MARCHF1: variants seen among roughly 807,000 people sequenced by gnomAD.
MARCHF1 encodes membrane associated ring-CH-type finger 1.
MARCHF1 carries 40 observed loss-of-function variants against 54.2 expected under a neutral mutation model. The observed-to-expected ratio is 0.74, with a 90% CI of 0.57 to 0.96. The LOEUF (loss-of-function observed/expected upper bound fraction) is 0.96, where lower values mean the gene tolerates loss of function less well. MARCHF1 is among the 40% of genes least tolerant of loss of function. MARCHF1 has a pLI of 0.00. For missense variants in MARCHF1, 586 were observed against 656.5 expected (o/e 0.89, Z 1.17); for synonymous variants, 236 against 236.3 (o/e 1.00, Z 0.01).
At chr4:163,994,122 C>T (rs1018770736) in intron 2 of MARCHF1, among the ~76,000 whole-genome samples, 3 of 152,028 alleles carry the variant, frequency 2.0e-5, no homozygotes, top group African/African-American at 7.2e-5. Context: ...TATTTCTTCA[C>T]TTATCTTCAG....
chr4:164,129,141 G>A (rs1158363345), intron 1 of MARCHF1, among the ~76,000 whole-genome samples: 2 of 152,142 alleles, frequency 1.3e-5, no homozygotes, highest in African/African-American at 2.4e-5. Flanking sequence ...AGCTGAAAGT[G>A]TTATTTTAGC....
chr4:164,028,454 C>T (rs768233818), intron 2 of MARCHF1, among the ~76,000 whole-genome samples: 11 of 152,054 alleles, frequency 7.2e-5, no homozygotes, highest in East Asian at 1.9e-4. Flanking sequence ...CATAATCTTC[C>T]GTGAGTTAAT....
chr4:163,714,715 G>A (rs1745206952), intron 4 of MARCHF1, among the ~76,000 whole-genome samples: 1 of 152,062 alleles, frequency 6.6e-6, no homozygotes, highest in Non-Finnish European at 1.5e-5. Context: ...GTCTTGCTCT[G>A]TCACCCAGGC....
intron 5 of MARCHF1, among the ~76,000 whole-genome samples, chr4:163,670,174 T>C (rs960029626): frequency 1.3e-5 from 2 of 152,180 alleles, no homozygotes; most frequent in Admixed American, 1.3e-4. Context: ...AAAAATATGA[T>C]ATAAAATTAG....
chr4:164,261,394 T>C (rs1217514106), intron 1 of MARCHF1, among the ~76,000 whole-genome samples: 3 of 152,188 alleles, frequency 2.0e-5, no homozygotes, highest in African/African-American at 7.2e-5. Context: ...CATACATTCC[T>C]GACTCACTTC....
chr4:164,041,466 A>T (rs2111019873), intron 2 of MARCHF1, among the ~76,000 whole-genome samples: 1 of 152,300 alleles, frequency 6.6e-6, no homozygotes, highest in Non-Finnish European at 1.5e-5. Context: ...ATACTAACAT[A>T]GTGATTCCAT....
chr4:164,365,485 G>A (rs1167553042), intron 1 of MARCHF1, among the ~76,000 whole-genome samples: 1 of 150,962 alleles, frequency 6.6e-6, no homozygotes, highest in Non-Finnish European at 1.5e-5. Context: ...GAAAAACCAA[G>A]CTTCTACTTC....
At chr4:163,815,397 G>C (rs1560768358) in intron 4 of MARCHF1, among the ~76,000 whole-genome samples, 1 of 152,228 alleles carries the variant, frequency 6.6e-6, no homozygotes, top group Non-Finnish European at 1.5e-5. Context: ...AATGTTGGCT[G>C]TGCATCTATT....
intron 3 of MARCHF1, among the ~76,000 whole-genome samples, chr4:163,890,649 A>T (rs1176319538): frequency 4.6e-5 from 7 of 152,148 alleles, no homozygotes; most frequent in African/African-American, 1.7e-4. Context: ...TAGGACCAGG[A>T]GTGTTTCAGA....
intron 1 of MARCHF1, among the ~76,000 whole-genome samples, chr4:164,347,144 A>G (rs571399288): frequency 6.6e-6 from 1 of 152,300 alleles, no homozygotes; most frequent in Non-Finnish European, 1.5e-5. Context: ...CCAAATAAAT[A>G]AAGAACATGT....
At chr4:163,627,933 T>C (rs1432450351) in intron 5 of MARCHF1, among the ~76,000 whole-genome samples, 1 of 151,906 alleles carries the variant, frequency 6.6e-6, no homozygotes, top group Non-Finnish European at 1.5e-5. Flanking sequence ...AAAATTTACT[T>C]GAAATGATTC....
At chr4:164,015,164 C>T (rs762838091) in intron 2 of MARCHF1, among the ~76,000 whole-genome samples, 3 of 152,130 alleles carry the variant, frequency 2.0e-5, no homozygotes, top group East Asian at 1.9e-4. Context: ...TTATGGTTAT[C>T]TCATTTTTTG....
chr4:163,618,325 G>A (rs1226523257), intron 5 of MARCHF1, among the ~76,000 whole-genome samples: 1 of 152,050 alleles, frequency 6.6e-6, no homozygotes, highest in East Asian at 1.9e-4. Flanking sequence ...GCTGCACACA[G>A]GCACAACCTG....
At chr4:163,731,747 T>G (rs1745837505) in intron 4 of MARCHF1, among the ~76,000 whole-genome samples, 1 of 152,196 alleles carries the variant, frequency 6.6e-6, no homozygotes, top group South Asian at 2.1e-4. Context: ...TGTCTAGATA[T>G]CACACAAAGC....
At chr4:164,044,307 C>T (rs952569666) in intron 2 of MARCHF1, among the ~76,000 whole-genome samples, 2 of 152,050 alleles carry the variant, frequency 1.3e-5, no homozygotes, top group Admixed American at 6.6e-5. Flanking sequence ...ACAGGCTTAA[C>T]AGGAAGCATA....
At chr4:163,726,047 C>G (rs1384450322) in intron 4 of MARCHF1, among the ~76,000 whole-genome samples, 1 of 152,044 alleles carries the variant, frequency 6.6e-6, no homozygotes, top group Non-Finnish European at 1.5e-5. Context: ...CCTTATATCC[C>G]CCATCCCTAC....
chr4:164,161,831 A>G (rs1730247165), intron 1 of MARCHF1, among the ~76,000 whole-genome samples: 1 of 152,130 alleles, frequency 6.6e-6, no homozygotes, highest in Non-Finnish European at 1.5e-5. Context: ...AATAATTCTT[A>G]GCCACCCGTT....
Position 163,646,866 on chromosome 4 carries a change from C to T in MARCHF1, c.163-33473G>A, listed in dbSNP as rs114565379. Reference sequence around the variant, plus strand: ...AGAAAAGAACAAAAGATCCACAAAACAATCTGAAAACAATTACTAAAATGG... The same window carrying T: ...AGAAAAGAACAAAAGATCCACAAAATAATCTGAAAACAATTACTAAAATGG... On this transcript the variant is annotated intron_variant, in intron 5 of 9. Coordinates refer to ENST00000514618, the MANE Select transcript of MARCHF1 (RefSeq NM_001394959.1). Among the ~76,000 whole-genome samples, 610 of 152,102 alleles carry T rather than the reference C, an allele frequency of 4.0e-3. 1 individual carries two copies. Among genetic ancestry groups the T allele is most frequent in the Non-Finnish European group, 6.3e-3 (428 of 67,946 alleles).
intron 1 of MARCHF1, among the ~76,000 whole-genome samples, chr4:164,310,318 C>T (rs202204482): frequency 6.6e-6 from 1 of 151,988 alleles, no homozygotes; most frequent in Non-Finnish European, 1.5e-5. Context: ...CCTCATGATC[C>T]GCCTACCTTG....
Sources: allele counts gnomAD v4.1 joint callset (sites outside exome capture counted in the v4.1 genomes callset), GRCh38; gene constraint gnomAD v4.1.1; transcripts MANE v1.5; gene names NCBI Gene and HGNC (gene_info 2026-07-23, HGNC 2026-07-21).